L2HGDH: variants seen among roughly 807,000 people sequenced by gnomAD.
L2HGDH encodes L-2-hydroxyglutarate dehydrogenase, also known as L-2-hydroxyglutarate dehydrogenase, mitochondrial.
In L2HGDH, 34 loss-of-function variants were observed where a neutral mutation model predicts 51.5. The ratio of observed to expected loss-of-function variants is 0.66; its 90% CI spans 0.50 to 0.88. The LOEUF (loss-of-function observed/expected upper bound fraction) is 0.88. L2HGDH is among the 40% of genes least tolerant of loss of function. L2HGDH has a pLI of 0.00. For missense variants in L2HGDH, 558 were observed against 571.9 expected (o/e 0.98, Z 0.25); for synonymous variants, 198 against 197.9 (o/e 1.00, Z -0.01).
chr14:50,263,117 G>A (rs185116874), intron 9 of L2HGDH, among the ~76,000 whole-genome samples: 18 of 152,346 alleles, frequency 1.2e-4, no homozygotes, highest in Admixed American at 3.9e-4. Context: ...ACTGAATACA[G>A]GCAGTGAATT....
Position 50,267,739 on chromosome 14 carries a change from A to G in L2HGDH, c.1064+14T>C. On this transcript the variant is annotated intron_variant, in intron 8 of 9. Coordinates refer to ENST00000267436, the MANE Select transcript of L2HGDH (RefSeq NM_024884.3). The stretch of plus-strand genomic sequence containing the variant: ...TAAGCACATAAAATCATTTTTAAAA[A>G]TAAATAATGTTACCTATTGATAATT... 1 of 1,585,796 alleles carries G rather than the reference A, an allele frequency of 6.3e-7. No homozygotes were observed. Among genetic ancestry groups the G allele is most frequent in the Non-Finnish European group, 8.7e-7 (1 of 1,155,838 alleles).
chr14:50,282,848 A>C lies in L2HGDH; in HGVS notation c.703+1023T>G, dbSNP rs566826012. On this transcript the variant is annotated intron_variant, in intron 5 of 9. Coordinates refer to ENST00000267436, the MANE Select transcript of L2HGDH (RefSeq NM_024884.3). ...TTGAGTCCAGGAGTTCGAGAGCAGC[A>C]TAAGGAACATGGTGGAACCCCATCT... is the stretch of plus-strand genomic sequence containing the variant. Among the ~76,000 whole-genome samples, 3 of 151,964 alleles carry C rather than the reference A, an allele frequency of 2.0e-5. No homozygotes were observed. In the East Asian group the frequency reaches 5.8e-4, roughly 30 times the overall value.
At chr14:50,308,683 G>A (rs1370762208) in intron 1 of L2HGDH, among the ~76,000 whole-genome samples, 1 of 152,182 alleles carries the variant, frequency 6.6e-6, no homozygotes, top group Non-Finnish European at 1.5e-5. Flanking sequence ...CAGCCACTCT[G>A]GAAAAGAGTA....
intron 5 of L2HGDH, 93 bp downstream of exon 5, chr14:50,283,770 TCCCAAATA>T: frequency 1.0e-6 from 1 of 960,912 alleles, no homozygotes; most frequent in Non-Finnish European, 1.6e-6. Flanking sequence ...TTGTTTTTTT[TCCCAAATA>T]TTTTTCATCC....
intron 1 of L2HGDH, among the ~76,000 whole-genome samples, chr14:50,303,806 G>A (rs1299218886): frequency 4.8e-4 from 41 of 85,992 alleles, no homozygotes; most frequent in African/African-American, 2.0e-3. Context: ...AAAGTTAGAC[G>A]CATTAAAAAA....
At chr14:50,267,950 T>C (rs1414395757) in intron 7 of L2HGDH, 40 bp from the exon 8 acceptor site, 2 of 1,580,228 alleles carry the variant, frequency 1.3e-6, no homozygotes, top group Admixed American at 3.3e-5. Flanking sequence ...TCATTTCACA[T>C]TCCATGTTAT....
intron 6 of L2HGDH, among the ~76,000 whole-genome samples, chr14:50,272,660 T>C (rs191658986): frequency 6.6e-6 from 1 of 152,322 alleles, no homozygotes; most frequent in Non-Finnish European, 1.5e-5. Flanking sequence ...CTGGGTGGTG[T>C]TGTCTGACTC....
rs2030439643 is a variant in L2HGDH at position 50,302,033 on chromosome 14, T to C, written c.392A>G (p.Tyr131Cys). 6.2e-7 allele frequency: 1 copy of C among 1,614,150 alleles called. No individual in the cohort carries two copies. The highest frequency in any genetic ancestry group is 1.1e-5 in the South Asian group (1 of 91,086). ...ATGCCATACCTTGCCACACTGCTTG[T>C]AGGAAATTCCCTTTTGCTGACAGTA... ...YEYCQQKGIS[Y>C]KQCGKLIVAV... The change falls in exon 3 of 10, where the codon TAC becomes TGC. Residue 131 changes from tyrosine to cysteine, a missense_variant. Physicochemically the swap from Tyr to Cys is radical, Grantham distance 194 (BLOSUM62 -2). This residue lies in a region of L2HGDH where 194 missense variants were observed against 187.2 expected (regional missense o/e 1.04). Coordinates refer to ENST00000267436, the MANE Select transcript of L2HGDH (RefSeq NM_024884.3).
At chr14:50,277,634 G>A (rs924950948) in intron 6 of L2HGDH, among the ~76,000 whole-genome samples, 1 of 151,838 alleles carries the variant, frequency 6.6e-6, no homozygotes, top group East Asian at 1.9e-4. Context: ...AAATTAGCCA[G>A]GTGTGGTGGC....
At chr14:50,275,596 G>C (rs939283700) in intron 6 of L2HGDH, among the ~76,000 whole-genome samples, 2 of 152,146 alleles carry the variant, frequency 1.3e-5, no homozygotes, top group African/African-American at 4.8e-5. Flanking sequence ...GGAATTCACT[G>C]ATTTTACCAT....
At position 50,254,710 on chromosome 14, in the gene L2HGDH, T is replaced by C. The variant is rs1888557951; in HGVS notation, c.1197-7457A>G. ...TGTCCCCTATACTCTTGTCCACATA[T>C]TGAAAACCCTACAATCCAAATTTTA... is the stretch of plus-strand genomic sequence containing the variant. On this transcript the variant is annotated intron_variant, in intron 9 of 9. Coordinates refer to ENST00000267436, the MANE Select transcript of L2HGDH (RefSeq NM_024884.3). Among the ~76,000 whole-genome samples the C allele has an allele frequency of 2.0e-5, 3 of 152,246 alleles. No individual in the cohort carries two copies. In the South Asian group the frequency reaches 6.2e-4, roughly 32 times the overall value.
intron 2 of L2HGDH, 120 bp from the exon 3 acceptor site, chr14:50,302,288 A>G (rs767131779): frequency 6.8e-6 from 7 of 1,025,622 alleles, no homozygotes; most frequent in Non-Finnish European, 9.1e-6. Flanking sequence ...TTCTGCCTGA[A>G]TTTGTTCAGA....
chr14:50,269,445 G>T, intron 6 of L2HGDH, 115 bp from the exon 7 acceptor site: 1 of 1,036,748 alleles, frequency 9.6e-7, no homozygotes, highest in Non-Finnish European at 1.5e-6. Context: ...TTTTCTAAAA[G>T]AGGATATTCA....
intron 5 of L2HGDH, among the ~76,000 whole-genome samples, chr14:50,281,556 C>A (rs1337908587): frequency 2.0e-5 from 3 of 152,122 alleles, no homozygotes; most frequent in Non-Finnish European, 4.4e-5. Flanking sequence ...TATGCCACTG[C>A]ACCCCAGCCG....
intron 4 of L2HGDH, among the ~76,000 whole-genome samples, chr14:50,293,439 C>CT (rs879668747): frequency 1.5e-4 from 23 of 151,418 alleles, no homozygotes; most frequent in Admixed American, 1.4e-3. Flanking sequence ...GCAAAGATTT[C>CT]TTTTTTTTTC....
At chr14:50,258,634 T>G (rs1336288712) in intron 9 of L2HGDH, among the ~76,000 whole-genome samples, 3 of 151,422 alleles carry the variant, frequency 2.0e-5, no homozygotes, top group Non-Finnish European at 3.0e-5. Flanking sequence ...CTGCCTCAGC[T>G]TCCAGAGTAG....
intron 4 of L2HGDH, among the ~76,000 whole-genome samples, chr14:50,284,814 C>G (rs1457314291): frequency 3.3e-5 from 5 of 152,178 alleles, no homozygotes; most frequent in African/African-American, 1.2e-4. Flanking sequence ...ATTCTGCCAT[C>G]CTCTCATTTG....
rs867549445 is a variant in L2HGDH at position 50,246,866 on chromosome 14, G to A, written c.*192C>T. The A allele has an allele frequency of 3.2e-6, 3 of 930,036 alleles. No individual in the cohort carries two copies. Among genetic ancestry groups the A allele is most frequent in the Middle Eastern group, 3.6e-4 (1 of 2,746 alleles). The allele number at this position is 930,036 out of a possible 1,614,324, so 57.6% of individuals were successfully genotyped here. A position where few individuals can be genotyped will look rare whatever the true frequency, so the allele number is the denominator to read the frequency against. On this transcript the variant is annotated 3_prime_UTR_variant, in exon 10 of 10. Coordinates refer to ENST00000267436, the MANE Select transcript of L2HGDH (RefSeq NM_024884.3). ...GCCTCCTGAGTAGCTGAGATTACAG[G>A]CATGCGCCACCATGCCTGGCTAATT... is the stretch of plus-strand genomic sequence containing the variant.
intron 9 of L2HGDH, among the ~76,000 whole-genome samples, chr14:50,262,929 C>A (rs185255843): frequency 6.6e-6 from 1 of 152,168 alleles, no homozygotes; most frequent in Non-Finnish European, 1.5e-5. Flanking sequence ...CCCAAATGCA[C>A]CTGCCTGCAG....
Sources: allele counts gnomAD v4.1 joint callset (sites outside exome capture counted in the v4.1 genomes callset), GRCh38; gene constraint gnomAD v4.1.1; regional missense constraint gnomAD v4.1.1; transcripts MANE v1.5; gene names NCBI Gene and HGNC (gene_info 2026-07-23, HGNC 2026-07-21).